The following STIM1 variants were observed in gnomAD, a reference collection of about 807,000 sequenced individuals.
The protein encoded by STIM1 is stromal interaction molecule 1.
A neutral mutation model predicts 74.7 loss-of-function variants in STIM1; 25 were observed. The observed-to-expected ratio is 0.33, with a 90% CI of 0.24 to 0.47. STIM1 has a LOEUF of 0.47. Among genes scored for constraint, STIM1 ranks in the 20% least tolerant of loss-of-function variants. The pLI is 1.00. For synonymous variants in STIM1, 328 were observed against 348.8 expected (o/e 0.94, Z 0.66); for missense variants, 728 against 920.8 (o/e 0.79, Z 2.71).
chr11:3,882,462 T>C (rs2135331221), intron 1 of STIM1, among the ~76,000 whole-genome samples: 1 of 152,334 alleles, frequency 6.6e-6, no homozygotes, highest in African/African-American at 2.4e-5. Context: ...TTTGTTTATC[T>C]ATTCATCCAC....
At chr11:4,039,142 A>C (rs2094127716) in intron 3 of STIM1, among the ~76,000 whole-genome samples, 1 of 152,126 alleles carries the variant, frequency 6.6e-6, no homozygotes, top group African/African-American at 2.4e-5. Flanking sequence ...GATGAAAAAA[A>C]ATTATAGAAA....
At chr11:3,923,113 A>C (rs1339776424) in intron 1 of STIM1, among the ~76,000 whole-genome samples, 12 of 151,932 alleles carry the variant, frequency 7.9e-5, no homozygotes, top group African/African-American at 1.7e-4. Flanking sequence ...AAAAAAAAAA[A>C]AACAAACACT....
At chr11:3,884,621 C>T (rs1451172910) in intron 1 of STIM1, among the ~76,000 whole-genome samples, 1 of 152,000 alleles carries the variant, frequency 6.6e-6, no homozygotes, top group Non-Finnish European at 1.5e-5. Flanking sequence ...ACTGTGGAGA[C>T]CACTCTTTCT....
At chr11:4,030,756 G>A (rs1285199351) in intron 3 of STIM1, among the ~76,000 whole-genome samples, 2 of 152,044 alleles carry the variant, frequency 1.3e-5, no homozygotes, top group Non-Finnish European at 2.9e-5. Context: ...AGACACTTGA[G>A]GATAAAAAGT....
chr11:4,022,754 T>C lies in STIM1; in HGVS notation c.271-1119T>C, dbSNP rs1229288422. ...TCAAACAGCTGGGGCTACTCACACATTTCTATCTCTACATAGACTTTCCAC... is the reference window on the plus strand; with the variant it reads ...TCAAACAGCTGGGGCTACTCACACACTTCTATCTCTACATAGACTTTCCAC... On this transcript the variant is annotated intron_variant, in intron 2 of 12. Coordinates refer to ENST00000526596, the MANE Select transcript of STIM1 (RefSeq NM_001382567.1). Among the ~76,000 whole-genome samples the C allele has an allele frequency of 2.0e-5, 3 of 152,316 alleles. No homozygotes were observed. In the South Asian group the frequency reaches 6.2e-4, roughly 32 times the overall value.
chr11:3,996,814 A>C (rs925423094), intron 2 of STIM1, among the ~76,000 whole-genome samples: 3 of 152,238 alleles, frequency 2.0e-5, no homozygotes, highest in Admixed American at 6.5e-5. Flanking sequence ...TCATGCTGTC[A>C]AACTAGAAGT....
chr11:3,863,114 G>A (rs2090692709), intron 1 of STIM1, among the ~76,000 whole-genome samples: 1 of 151,876 alleles, frequency 6.6e-6, no homozygotes, highest in African/African-American at 2.4e-5. Context: ...GGCTGGTCCT[G>A]AACTCCTGAC....
chr11:3,948,698 A>G (rs374825883), intron 1 of STIM1, among the ~76,000 whole-genome samples: 1 of 152,146 alleles, frequency 6.6e-6, no homozygotes, highest in Admixed American at 6.5e-5. Flanking sequence ...CTTATCTTCT[A>G]AATACGTCTA....
At chr11:3,911,013 AAAC>A (rs2092554031) in intron 1 of STIM1, among the ~76,000 whole-genome samples, 1 of 148,094 alleles carries the variant, frequency 6.8e-6, no homozygotes, top group South Asian at 2.1e-4. Context: ...AACTGAAAAC[AAAC>A]TAACAAATCT....
chr11:3,974,124 C>T (rs2093422640), intron 2 of STIM1: 2 of 667,610 alleles, frequency 3.0e-6, no homozygotes, highest in Admixed American at 2.2e-5. Flanking sequence ...TGTGAGTGCT[C>T]CCTGTTGCTC....
intron 2 of STIM1, among the ~76,000 whole-genome samples, chr11:4,004,964 C>CA (rs2093762410): frequency 1.3e-5 from 2 of 152,038 alleles, no homozygotes; most frequent in African/African-American, 4.8e-5. Flanking sequence ...TTTATGCAGC[C>CA]AAAAAACACA....
intron 2 of STIM1, among the ~76,000 whole-genome samples, chr11:4,007,358 C>T (rs755512166): frequency 8.5e-5 from 13 of 152,142 alleles, no homozygotes; most frequent in Non-Finnish European, 1.6e-4. Context: ...TATCACCTTT[C>T]GTTACTTTTA....
chr11:3,996,927 AG>A (rs1175421126), intron 2 of STIM1, among the ~76,000 whole-genome samples: 1 of 152,228 alleles, frequency 6.6e-6, no homozygotes, highest in African/African-American at 2.4e-5. Flanking sequence ...ACCCCAATTA[AG>A]AAGATAATCT....
At chr11:3,885,086 G>C (rs2091654676) in intron 1 of STIM1, among the ~76,000 whole-genome samples, 1 of 151,710 alleles carries the variant, frequency 6.6e-6, no homozygotes, top group Non-Finnish European at 1.5e-5. Context: ...GGTGATGATG[G>C]GACAACCTTA....
At chr11:3,884,988 G>A (rs1330726179) in intron 1 of STIM1, among the ~76,000 whole-genome samples, 10 of 152,130 alleles carry the variant, frequency 6.6e-5, no homozygotes, top group Non-Finnish European at 1.3e-4. Flanking sequence ...TTGCCAGGGT[G>A]TGGGGGGAGA....
At chr11:4,082,415 T>A in intron 8 of STIM1, 64 bp downstream of exon 8, 3 of 1,474,724 alleles carry the variant, frequency 2.0e-6, no homozygotes, top group Non-Finnish European at 2.8e-6. Flanking sequence ...TACCTGCATA[T>A]CTTCCTCTTC....
intron 3 of STIM1, among the ~76,000 whole-genome samples, chr11:4,036,753 T>C (rs757032215): frequency 3.9e-5 from 6 of 152,224 alleles, no homozygotes; most frequent in Non-Finnish European, 7.3e-5. Context: ...CTCTGGATAT[T>C]AGACCTTTGT....
chr11:3,976,048 T>C (rs2093445255), intron 2 of STIM1, among the ~76,000 whole-genome samples: 1 of 152,250 alleles, frequency 6.6e-6, no homozygotes. Context: ...ATAGTATCTT[T>C]ATTTGTGATT....
chr11:3,891,329 G>A (rs1234071445), intron 1 of STIM1, among the ~76,000 whole-genome samples: 1 of 149,306 alleles, frequency 6.7e-6, no homozygotes, highest in Non-Finnish European at 1.5e-5. Context: ...TCGCTGTGTT[G>A]CCCAGGCTGG....
Sources: gnomAD v4.1 joint callset for allele counts (sites outside exome capture counted in the v4.1 genomes callset) on GRCh38, gnomAD v4.1.1 for gene constraint, MANE v1.5 for transcripts, NCBI Gene and HGNC (gene_info 2026-07-23, HGNC 2026-07-21) for gene names.